The following EMC3 variants were observed in gnomAD, a reference collection of about 807,000 sequenced individuals.
EMC3 encodes the protein 30 kDa protein.
In EMC3, 13 loss-of-function variants were observed where a neutral mutation model predicts 36.6. That is an observed-to-expected ratio of 0.35 (90% CI 0.23 to 0.56). The LOEUF (loss-of-function observed/expected upper bound fraction) is 0.56. Among genes scored for constraint, EMC3 ranks in the 20% least tolerant of loss-of-function variants. EMC3 has a pLI of 0.84. For synonymous variants in EMC3, 120 were observed against 111.9 expected, an observed-to-expected ratio of 1.07 and a Z score of -0.46; for missense variants, 220 against 324.5, an observed-to-expected ratio of 0.68 and a Z score of 2.47.
At chr3:9,967,120 C>T (rs1350629995) in intron 7 of EMC3, among the ~76,000 whole-genome samples, 1 of 152,134 alleles carries the variant, frequency 6.6e-6, no homozygotes, top group Non-Finnish European at 1.5e-5. Flanking sequence ...TTTTCCTATT[C>T]CAAATATTTT....
intron 1 of EMC3, among the ~76,000 whole-genome samples, chr3:9,983,543 A>C (rs1468572652): frequency 6.6e-6 from 1 of 152,054 alleles, no homozygotes; most frequent in Non-Finnish European, 1.5e-5. Flanking sequence ...ATGCTGGCGC[A>C]TGCCGCTAAT....
At chr3:9,965,890 T>C (rs1575671373) in intron 7 of EMC3, among the ~76,000 whole-genome samples, 1 of 152,262 alleles carries the variant, frequency 6.6e-6, no homozygotes, top group Non-Finnish European at 1.5e-5. Context: ...TATTCCAAAA[T>C]ATTCCATTGT....
chr3:9,991,721 C>G (rs2086054896), upstream of EMC3, among the ~76,000 whole-genome samples: 1 of 152,190 alleles, frequency 6.6e-6, no homozygotes, highest in Admixed American at 6.5e-5. Flanking sequence ...CACTTCATAT[C>G]AGGAATGTCT....
intron 5 of EMC3, among the ~76,000 whole-genome samples, chr3:9,972,860 A>T (rs781866): frequency 4.8e-5 from 7 of 145,496 alleles, no homozygotes; most frequent in Admixed American, 4.2e-4. Context: ...ATGGAGTCTC[A>T]CTCTGTCGCC....
At chr3:9,987,375 G>T, upstream of EMC3, 4 of 881,776 alleles carry the variant, frequency 4.5e-6, no homozygotes, top group South Asian at 5.2e-5. Flanking sequence ...CGCGCCCCAA[G>T]CCTCGGCTTC....
intron 1 of EMC3, among the ~76,000 whole-genome samples, chr3:9,995,641 A>T (rs2086113787): frequency 6.6e-6 from 1 of 151,190 alleles, no homozygotes; most frequent in Non-Finnish European, 1.5e-5. Flanking sequence ...ATGTTGGGAA[A>T]GATTCTGTTT....
At chr3:9,987,356 CTG>C (rs2124921818), upstream of EMC3, 1 of 969,518 alleles carries the variant, frequency 1.0e-6, no homozygotes, top group African/African-American at 1.8e-5. Flanking sequence ...GCGTTCTTCT[CTG>C]GGGCTCCGCG....
In EMC3 at chr3:9,969,652, T is replaced by C. The variant is rs562844628; in HGVS notation, c.657+67A>G. 5.0e-6 allele frequency: 8 copies of C among 1,612,256 alleles called. 1 individual carries two copies. In the South Asian group the frequency reaches 8.8e-5, roughly 18 times the overall value. On this transcript the variant is annotated intron_variant, in intron 7 of 7. Coordinates refer to ENST00000245046, the MANE Select transcript of EMC3 (RefSeq NM_001394674.1). ...ACAACACTCCCTTCAAGGAAGCTAT[T>C]TTTAAAATAGCTCTTGGTAACACCT...
At chr3:9,977,658 A>T (rs1336717334) in intron 1 of EMC3, among the ~76,000 whole-genome samples, 1 of 152,238 alleles carries the variant, frequency 6.6e-6, no homozygotes, top group Non-Finnish European at 1.5e-5. Context: ...TTCAAAAGTG[A>T]CTGTGTTTCT....
At chr3:9,997,227 CCTT>C (rs1317141766) in intron 1 of EMC3, among the ~76,000 whole-genome samples, 1 of 151,604 alleles carries the variant, frequency 6.6e-6, no homozygotes, top group African/African-American at 2.4e-5. Flanking sequence ...ATTTTCTTTT[CCTT>C]CTTTCTTTTT....
chr3:9,986,867 G>A, upstream of EMC3: 4 of 1,374,096 alleles, frequency 2.9e-6, no homozygotes, highest in South Asian at 6.6e-5. Context: ...ACGTCACGTC[G>A]TGGCGCACCT....
chr3:9,986,848 C>T (rs2085980335), upstream of EMC3: 16 of 1,377,532 alleles, frequency 1.2e-5, no homozygotes, highest in South Asian at 1.7e-5. Context: ...ACTTCCGGCG[C>T]GAACGTTGAC....
chr3:10,008,216 G>T, intron 1 of EMC3: 1 of 382,290 alleles, frequency 2.6e-6, no homozygotes, highest in Non-Finnish European at 5.2e-6. Context: ...CCCAGGCGTG[G>T]CTTTTACTAT....
intron 1 of EMC3, among the ~76,000 whole-genome samples, chr3:9,979,827 G>A (rs17050669): frequency 0.058 from 8,811 of 152,108 alleles, 827 homozygotes; most frequent in African/African-American, 0.2. Context: ...GATGAGTGAG[G>A]ATTACCTTGG....
chr3:9,992,856 T>C, intron 1 of EMC3: 2 of 1,398,090 alleles, frequency 1.4e-6, no homozygotes, highest in Non-Finnish European at 2.0e-6. Context: ...ACTGTTTTTC[T>C]ATTATTGCAT....
In EMC3 at chr3:9,986,541, C is replaced by G. The variant is rs2085974749; in HGVS notation, c.121G>C (p.Asp41His). The stretch of plus-strand genomic sequence containing the variant: ...ACTTGTTCCTGGGTGAGCTTCTTGT[C>G]GCTCTGCAGCAGGATGGACACGTAG... ...RHYVSILLQS[D>H]KKLTQEQVSD... Residue 41 changes from aspartate (D) to histidine (H), a missense_variant, in exon 1 of 8, where the codon GAC (aspartate) becomes CAC (histidine). Physicochemically the swap from Asp to His is moderately conservative, Grantham distance 81 (BLOSUM62 -1). Around this residue, in one of 3 missense-constraint regions of EMC3, gnomAD observed 127 missense variants for 174.6 expected, o/e 0.73. Transcript: ENST00000245046. The G allele has an allele frequency of 1.9e-6, 3 of 1,614,074 alleles. No individual in the cohort carries two copies. The highest frequency in any genetic ancestry group is 2.5e-6 in the Non-Finnish European group (3 of 1,180,040).
At chr3:9,992,986 A>G (rs1430311290) in intron 1 of EMC3, 16 of 1,572,622 alleles carry the variant, frequency 1.0e-5, no homozygotes, top group Non-Finnish European at 1.4e-5. Flanking sequence ...CAGCTGCTCC[A>G]GAGTACATTC....
At chr3:9,975,815 GA>G (rs56879267) in intron 3 of EMC3, among the ~76,000 whole-genome samples, 14,826 of 88,154 alleles carry the variant, frequency 0.17, 1,242 homozygotes, top group African/African-American at 0.3. Flanking sequence ...CCTTTCTGAA[GA>G]AAAAAAAAAA....
chr3:9,978,527 T>C (rs1035409733), intron 1 of EMC3, among the ~76,000 whole-genome samples: 4 of 151,700 alleles, frequency 2.6e-5, no homozygotes, highest in Non-Finnish European at 1.5e-5. Context: ...GAAATGAACA[T>C]AGTAAAACCT....
Sources: gnomAD v4.1 joint callset for allele counts (sites outside exome capture counted in the v4.1 genomes callset) on GRCh38, gnomAD v4.1.1 for gene constraint, gnomAD v4.1.1 regional missense constraint, MANE v1.5 for transcripts, NCBI Gene and HGNC (gene_info 2026-07-23, HGNC 2026-07-21) for gene names.